NEK9: variants seen among roughly 807,000 people sequenced by gnomAD.
NEK9 encodes the protein NIMA related kinase 9.
In NEK9, 75 loss-of-function variants were observed where a neutral mutation model predicts 123.4. That is an observed-to-expected ratio of 0.61 (90% CI 0.50 to 0.74). NEK9 has a LOEUF of 0.74. Among genes scored for constraint, NEK9 ranks in the 30% least tolerant of loss-of-function variants. NEK9 has a pLI of 0.00. For missense variants in NEK9, 952 were observed against 1,214.4 expected, an observed-to-expected ratio of 0.78 and a Z score of 3.21; for synonymous variants, 438 against 458.7, an observed-to-expected ratio of 0.95 and a Z score of 0.58.
chr14:75,114,332 T>C lies in NEK9; in HGVS notation c.763-19A>G. ...GTGGGTTCTATGAGAAAATGATGAC[T>C]GCATTGTTCCTGGTTATATAAAGAT... On this transcript the variant is annotated intron_variant, in intron 6 of 21. Transcript: ENST00000238616. The C allele has an allele frequency of 6.4e-7, 1 of 1,567,506 alleles. No homozygotes were observed. Among genetic ancestry groups the C allele is most frequent in the South Asian group, 1.1e-5 (1 of 90,070 alleles).
chr14:75,126,079 A>G (rs992775706), intron 1 of NEK9, among the ~76,000 whole-genome samples: 2 of 152,208 alleles, frequency 1.3e-5, no homozygotes, highest in African/African-American at 4.8e-5. Flanking sequence ...ATTAAGAACT[A>G]ATGGCTTAGA....
intron 11 of NEK9, among the ~76,000 whole-genome samples, chr14:75,107,079 G>GT (rs1322829574): frequency 6.6e-6 from 1 of 151,990 alleles, no homozygotes; most frequent in African/African-American, 2.4e-5. Context: ...TGATGAGGTG[G>GT]TAAGATTATT....
rs1894047280 is a variant in NEK9 at position 75,087,022 on chromosome 14, T to A, written c.2813A>T (p.Gln938Leu). ...TTATTCTTTTAATGCTCTCACCTGC[T>A]GCCCTCCTTCTAATTTCTTGTTCAA... ...QKLNKKLEGG[Q>L]QVGMHSKGTQ... The change falls in exon 21 of 22, where the codon CAG becomes CTG. Residue 938 changes from glutamine to leucine, a missense_variant. Transcript: ENST00000238616. 13 of 1,613,874 alleles carry A rather than the reference T, an allele frequency of 8.1e-6. No individual in the cohort carries two copies. The highest frequency in any genetic ancestry group is 1.1e-5 in the Non-Finnish European group (13 of 1,179,782).
At chr14:75,106,056 T>A (rs1209604343) in intron 12 of NEK9, 60 bp from the exon 13 acceptor site, 2 of 1,445,962 alleles carry the variant, frequency 1.4e-6, no homozygotes, top group African/African-American at 2.8e-5. Context: ...AGTGAATAGG[T>A]TCTGTAAGAT....
At chr14:75,127,183 C>T (rs955841981), upstream of NEK9, 3 of 437,198 alleles carry the variant, frequency 6.9e-6, no homozygotes, top group Admixed American at 4.6e-5. Context: ...AAAGTGAGGC[C>T]TCGGGCTAGG....
chr14:75,121,206 C>T, intron 2 of NEK9, 32 bp from the exon 3 acceptor site: 1 of 1,562,980 alleles, frequency 6.4e-7, no homozygotes, highest in Non-Finnish European at 8.8e-7. Context: ...ATTTGAATTG[C>T]TTAATACAGA....
chr14:75,106,031 G>A, intron 12 of NEK9, 35 bp from the exon 13 acceptor site: 1 of 1,578,802 alleles, frequency 6.3e-7, no homozygotes, highest in Non-Finnish European at 8.7e-7. Flanking sequence ...TCATTATAAT[G>A]AGGGCTTCCT....
chr14:75,084,512 C>A lies in NEK9; in HGVS notation c.*52G>T. On this transcript the variant is annotated 3_prime_UTR_variant, in exon 22 of 22. Transcript: ENST00000238616. ...CTGCTCTCTGCATTCGGTAAGTGTG[C>A]TGTGAAGTTCTTTGGGTCCCAGTCT... 1 of 1,607,596 alleles carries A rather than the reference C, an allele frequency of 6.2e-7. No homozygotes were observed. Among genetic ancestry groups the A allele is most frequent in the East Asian group, 2.2e-5 (1 of 44,838 alleles).
At chr14:75,084,987 T>C (rs146663679) in intron 21 of NEK9, 14 of 303,750 alleles carry the variant, frequency 4.6e-5, no homozygotes. Flanking sequence ...CTCCCTGCTA[T>C]AGCTGCCAAT....
At position 75,080,496 on chromosome 14, in the gene NEK9, T is replaced by C. The variant is rs1189348636; in HGVS notation, c.*4068A>G. 6.6e-6 allele frequency: 1 copy of C among 152,194 alleles called. No individual in the cohort carries two copies. Among genetic ancestry groups the C allele is most frequent in the African/African-American group, 2.4e-5 (1 of 41,434 alleles). 9.4% of individuals were successfully genotyped at this position (152,194 alleles called of 1,614,324 possible). A position where few individuals can be genotyped will look rare whatever the true frequency, so the allele number is the denominator to read the frequency against. On this transcript the variant is annotated 3_prime_UTR_variant, in exon 22 of 22. Coordinates refer to ENST00000238616, the MANE Select transcript of NEK9 (RefSeq NM_033116.6). ...ATGCTGCTTCTTAATGTCTGTATTT[T>C]ATACAACTTTATCCAAGAAATGTTT...
Position 75,084,481 on chromosome 14 carries a change from G to A in NEK9, c.*83C>T. 1 of 1,546,716 alleles carries A rather than the reference G, an allele frequency of 6.5e-7. No individual in the cohort carries two copies. Among genetic ancestry groups the A allele is most frequent in the South Asian group, 1.1e-5 (1 of 87,368 alleles). On this transcript the variant is annotated 3_prime_UTR_variant, in exon 22 of 22. Coordinates refer to ENST00000238616, the MANE Select transcript of NEK9 (RefSeq NM_033116.6). ...CCTTTTCTGCAAGTGAACAAAGCCA[G>A]GAAAGCTGCTCTCTGCATTCGGTAA...
chr14:75,090,104 A>G (rs902825261), intron 19 of NEK9, among the ~76,000 whole-genome samples: 1 of 151,988 alleles, frequency 6.6e-6, no homozygotes, highest in Non-Finnish European at 1.5e-5. Flanking sequence ...AAGAGCTGGG[A>G]TTACAGATGT....
In NEK9 at chr14:75,082,723, G is replaced by A; in HGVS notation, c.*1841C>T. ...CATGATGAACACCCAAACTGACCCA[G>A]CCTCTCAGGCCTGCTGAGATGATGA... On this transcript the variant is annotated 3_prime_UTR_variant, in exon 22 of 22. Transcript: ENST00000238616. 1 of 350,320 alleles carries A rather than the reference G, an allele frequency of 2.9e-6. No individual in the cohort carries two copies. The highest frequency in any genetic ancestry group is 5.1e-6 in the Non-Finnish European group (1 of 195,638). The allele number at this position is 350,320 out of a possible 1,614,324, so 21.7% of individuals were successfully genotyped here.
At position 75,081,491 on chromosome 14, in the gene NEK9, T is replaced by C. The variant is rs1366940608; in HGVS notation, c.*3073A>G. The C allele has an allele frequency of 6.6e-6, 1 of 152,248 alleles. No individual in the cohort carries two copies. The highest frequency in any genetic ancestry group is 1.5e-5 in the Non-Finnish European group (1 of 68,040). 9.4% of individuals were successfully genotyped at this position (152,248 alleles called of 1,614,324 possible). On this transcript the variant is annotated 3_prime_UTR_variant, in exon 22 of 22. Transcript: ENST00000238616. This position sits in a 1 kb window ranked among gnomAD's most constrained non-coding sequence, Gnocchi z 4.2. ...TTGCAGCAGTTAGGAACATGTTTTA[T>C]AGTCCTGATTATAGCCCACTCTGCC...
chr14:75,104,679 C>T (rs1894712241), intron 13 of NEK9, among the ~76,000 whole-genome samples: 1 of 145,312 alleles, frequency 6.9e-6, no homozygotes, highest in Non-Finnish European at 1.5e-5. Flanking sequence ...GACAGGGTTT[C>T]ACCATGTTGG....
At chr14:75,100,276 T>A (rs928314261) in intron 16 of NEK9, among the ~76,000 whole-genome samples, 1 of 149,520 alleles carries the variant, frequency 6.7e-6, no homozygotes. Context: ...AGAAACCCCG[T>A]CTCTACTAAA....
At chr14:75,112,726 G>A (rs942114753) in intron 8 of NEK9, among the ~76,000 whole-genome samples, 2 of 152,142 alleles carry the variant, frequency 1.3e-5, no homozygotes, top group Non-Finnish European at 2.9e-5. Context: ...GGAGGCTGAG[G>A]TGTGAGAATC....
At chr14:75,113,475 G>T in intron 7 of NEK9, 72 bp from the exon 8 acceptor site, 1 of 1,072,904 alleles carries the variant, frequency 9.3e-7, no homozygotes, top group Non-Finnish European at 1.4e-6. Flanking sequence ...ATGTTAATTA[G>T]TCAAAGACCA....
At position 75,097,143 on chromosome 14, in the gene NEK9, G is replaced by C; in HGVS notation, c.2130C>G (p.Val710=). The C allele has an allele frequency of 3.1e-6, 5 of 1,613,334 alleles. No homozygotes were observed. Among genetic ancestry groups the C allele is most frequent in the Non-Finnish European group, 4.2e-6 (5 of 1,179,602 alleles). The stretch of plus-strand genomic sequence containing the variant: ...GCCATCCACGGCAAGACAGGTCCGG[G>C]ACATGATGCAGAGATCCAAAAATAG... ...PRPIFGSLHH[V]PDLSCRGWHT... is the part of the protein sequence containing the mutation. The change falls in exon 17 of 22, where the codon GTC becomes GTG. Residue 710 remains valine (V), a synonymous_variant. Coordinates refer to ENST00000238616, the MANE Select transcript of NEK9 (RefSeq NM_033116.6).
Sources: gnomAD v4.1 joint callset for allele counts (sites outside exome capture counted in the v4.1 genomes callset) on GRCh38, gnomAD v4.1.1 for gene constraint, Gnocchi (gnomAD v3.1) non-coding constraint, MANE v1.5 for transcripts, NCBI Gene and HGNC (gene_info 2026-07-23, HGNC 2026-07-21) for gene names.